The following MSRA variants were observed in gnomAD, a reference collection of about 807,000 sequenced individuals.
The protein encoded by MSRA is mitochondrial peptide methionine sulfoxide reductase.
Under a neutral mutation model 31.3 loss-of-function variants are expected in MSRA, and 54 were observed. The ratio of observed to expected loss-of-function variants is 1.73; its 90% CI spans 1.39 to 2.17. The LOEUF (loss-of-function observed/expected upper bound fraction) is 2.17, where lower values mean the gene tolerates loss of function less well. Among genes scored for constraint, MSRA ranks in the 30% most tolerant of loss-of-function variants. The pLI is 0.00. For synonymous variants in MSRA, 169 were observed against 116.5 expected, an observed-to-expected ratio of 1.45 and a Z score of -2.90; for missense variants, 507 against 300.9, an observed-to-expected ratio of 1.69 and a Z score of -5.07.
chr8:10,321,515 A>G (rs1274208320), intron 5 of MSRA, among the ~76,000 whole-genome samples: 1 of 152,082 alleles, frequency 6.6e-6, no homozygotes, highest in Non-Finnish European at 1.5e-5. Context: ...TTGGCTGGTC[A>G]TGGTAGGCAG....
In MSRA at chr8:10,257,246, G is replaced by A. The variant is rs1236986750; in HGVS notation, c.331+12023G>A. On this transcript the variant is annotated intron_variant, in intron 3 of 5. Coordinates refer to ENST00000317173, the MANE Select transcript of MSRA (RefSeq NM_012331.5). ...TCCTTAGGCAGCCTGGAAGTAAGAG[G>A]AAGATGACAGGCCCTCTCCGTCTCC... 2.6e-5 allele frequency among the ~76,000 whole-genome samples: 4 copies of A among 152,214 alleles called. No individual in the cohort carries two copies. The East Asian group carries it at 7.8e-4, about 30-fold the overall frequency.
chr8:10,424,268 G>T lies in MSRA; in HGVS notation c.544-3880G>T, dbSNP rs537393691. On this transcript the variant is annotated intron_variant, in intron 5 of 5. Coordinates refer to ENST00000317173, the MANE Select transcript of MSRA (RefSeq NM_012331.5). Reference sequence around the variant, plus strand: ...TGAACAACACCAAAGAAAATAGTGCGCAGAGGGGAAGGAAAGGCTGAAAAG... The same window carrying T: ...TGAACAACACCAAAGAAAATAGTGCTCAGAGGGGAAGGAAAGGCTGAAAAG... 1.3e-3 allele frequency among the ~76,000 whole-genome samples: 192 copies of T among 152,348 alleles called. 1 individual carries two copies. Among genetic ancestry groups the T allele is most frequent in the African/African-American group, 4.0e-3 (168 of 41,584 alleles).
At chr8:10,366,387 G>A (rs1248653595) in intron 5 of MSRA, among the ~76,000 whole-genome samples, 2 of 152,274 alleles carry the variant, frequency 1.3e-5, no homozygotes, top group African/African-American at 4.8e-5. Flanking sequence ...AGGCTGGGCA[G>A]GGCACTGCGT....
chr8:10,341,759 C>G (rs7013725), intron 5 of MSRA, among the ~76,000 whole-genome samples: 2,214 of 152,256 alleles, frequency 0.015, 52 homozygotes, highest in African/African-American at 0.05. Flanking sequence ...AGTGAGATGA[C>G]ATGTGCCAAG....
chr8:10,357,277 G>A (rs1804562798), intron 5 of MSRA, among the ~76,000 whole-genome samples: 1 of 152,170 alleles, frequency 6.6e-6, no homozygotes, highest in African/African-American at 2.4e-5. Context: ...TTCTAAGAAG[G>A]AGCTTCCATG....
intron 1 of MSRA, among the ~76,000 whole-genome samples, chr8:10,082,486 C>G (rs1798344883): frequency 6.6e-6 from 1 of 152,180 alleles, no homozygotes; most frequent in Non-Finnish European, 1.5e-5. Flanking sequence ...GTCATCTTTT[C>G]TCCCACAAAA....
intron 5 of MSRA, among the ~76,000 whole-genome samples, chr8:10,401,371 C>T (rs957597053): frequency 6.6e-6 from 1 of 152,160 alleles, no homozygotes; most frequent in Admixed American, 6.5e-5. Flanking sequence ...ACTTCAGACC[C>T]ATTAGGACGG....
chr8:10,187,911 GA>G (rs2129052541), intron 1 of MSRA, among the ~76,000 whole-genome samples: 1 of 152,264 alleles, frequency 6.6e-6, no homozygotes, highest in Non-Finnish European at 1.5e-5. Flanking sequence ...TTAATTTAAT[GA>G]ACAGGTTCCT....
chr8:10,226,501 A>T (rs1754355892), intron 2 of MSRA, among the ~76,000 whole-genome samples: 2 of 152,172 alleles, frequency 1.3e-5, no homozygotes, highest in Admixed American at 1.3e-4. Flanking sequence ...CTACTATATT[A>T]ATCAACACCT....
intron 3 of MSRA, among the ~76,000 whole-genome samples, chr8:10,266,093 C>T (rs1451570958): frequency 1.3e-5 from 2 of 152,200 alleles, no homozygotes; most frequent in East Asian, 1.9e-4. Flanking sequence ...CATTTCATTT[C>T]TCTTACATTA....
intron 5 of MSRA, among the ~76,000 whole-genome samples, chr8:10,396,573 T>G (rs149490192): frequency 1.3e-5 from 2 of 152,198 alleles, no homozygotes; most frequent in Non-Finnish European, 2.9e-5. Flanking sequence ...AGTTTTAGAT[T>G]GCCTTAAAAT....
chr8:10,168,647 G>C (rs1237595625), intron 1 of MSRA, among the ~76,000 whole-genome samples: 1 of 152,136 alleles, frequency 6.6e-6, no homozygotes, highest in Non-Finnish European at 1.5e-5. Flanking sequence ...GGAAGCAACT[G>C]GCCCAATGTC....
intron 2 of MSRA, among the ~76,000 whole-genome samples, chr8:10,210,507 G>C (rs1426397886): frequency 6.6e-6 from 1 of 152,172 alleles, no homozygotes; most frequent in Non-Finnish European, 1.5e-5. Flanking sequence ...GGAGTCTTGA[G>C]AAGTAGCCTT....
At chr8:10,122,152 G>A (rs910971842) in intron 1 of MSRA, among the ~76,000 whole-genome samples, 7 of 152,136 alleles carry the variant, frequency 4.6e-5, no homozygotes, top group African/African-American at 1.7e-4. Flanking sequence ...TGCTGGTGTT[G>A]TTGTAACCAA....
At chr8:10,190,889 T>G (rs1172424621) in intron 1 of MSRA, among the ~76,000 whole-genome samples, 4 of 152,070 alleles carry the variant, frequency 2.6e-5, no homozygotes, top group Non-Finnish European at 5.9e-5. Flanking sequence ...AACTAAAATC[T>G]AAAATGAGGA....
chr8:10,359,418 T>TTCAGGTCTTA (rs1804706883), intron 5 of MSRA, among the ~76,000 whole-genome samples: 1 of 152,202 alleles, frequency 6.6e-6, no homozygotes, highest in Non-Finnish European at 1.5e-5. Flanking sequence ...TTAATATTAT[T>TTCAGGTCTTA]TCAGGTCTTA....
intron 3 of MSRA, among the ~76,000 whole-genome samples, chr8:10,285,762 G>C (rs970075133): frequency 4.6e-5 from 7 of 151,794 alleles, no homozygotes; most frequent in Non-Finnish European, 8.8e-5. Context: ...CCTATGCCTG[G>C]ATTGTTTCAG....
intron 5 of MSRA, among the ~76,000 whole-genome samples, chr8:10,377,713 G>C (rs1805832428): frequency 6.6e-6 from 1 of 152,220 alleles, no homozygotes; most frequent in Non-Finnish European, 1.5e-5. Context: ...CCGATTTCAG[G>C]CTCAAAAATC....
rs553747124 is a variant in MSRA, at chr8:10,068,584, C to T, written c.142+13926C>T. On this transcript the variant is annotated intron_variant, in intron 1 of 5. Transcript: ENST00000317173. ...TGACTGTCTTTTCTCCATCGTATTG[C>T]CTTTGCTCATTTGTCAAAGATGAGT... Among the ~76,000 whole-genome samples, 265 of 152,254 alleles carry T rather than the reference C, an allele frequency of 1.7e-3. 17 individuals are homozygous for T. The highest frequency in any genetic ancestry group is 9.8e-4 in the Non-Finnish European group (67 of 68,028).
Sources: allele counts gnomAD v4.1 joint callset (sites outside exome capture counted in the v4.1 genomes callset), GRCh38; gene constraint gnomAD v4.1.1; transcripts MANE v1.5; gene names NCBI Gene and HGNC (gene_info 2026-07-23, HGNC 2026-07-21).